GLB1L2: variants seen among roughly 807,000 people sequenced by gnomAD.
The protein encoded by GLB1L2 is beta-galactosidase-1-like protein 2.
A neutral mutation model predicts 84.1 loss-of-function variants in GLB1L2; 68 were observed. That is an observed-to-expected ratio of 0.81 (90% CI 0.67 to 0.99). The LOEUF (loss-of-function observed/expected upper bound fraction) is 0.99. Among genes scored for constraint, GLB1L2 ranks in the 50% least tolerant of loss-of-function variants. GLB1L2 has a pLI of 0.00. For synonymous variants in GLB1L2, 290 were observed against 318.0 expected, an observed-to-expected ratio of 0.91 and a Z score of 0.94; for missense variants, 762 against 805.6, an observed-to-expected ratio of 0.95 and a Z score of 0.66.
chr11:134,347,555 C>T (rs1943569818), intron 5 of GLB1L2, 122 bp downstream of exon 5: 1 of 714,698 alleles, frequency 1.4e-6, no homozygotes. Flanking sequence ...GGCTCTTCCT[C>T]ACCGTCCGAG....
chr11:134,332,660 C>A (rs1420559160), intron 1 of GLB1L2, among the ~76,000 whole-genome samples: 1 of 152,164 alleles, frequency 6.6e-6, no homozygotes, highest in Non-Finnish European at 1.5e-5. Context: ...TGTCCGTGGG[C>A]CTCCAAGATC....
In GLB1L2 at chr11:134,370,422, G is replaced by T. The variant is rs200973877; in HGVS notation, c.1215+23G>T. ...GAGGTGAGTGCTGTGGGCAGTCATC[G>T]GGAGGTGAGTGAGTGCCGGGGGCAG... On this transcript the variant is annotated intron_variant, in intron 12 of 18. Coordinates refer to ENST00000535456, the MANE Select transcript of GLB1L2 (RefSeq NM_001370461.1). This position sits in a 1 kb window ranked among gnomAD's most constrained non-coding sequence, Gnocchi z 4.7. 118 of 1,576,046 alleles carry T rather than the reference G, an allele frequency of 7.5e-5. No homozygotes were observed. The highest frequency in any genetic ancestry group is 9.8e-5 in the Non-Finnish European group (113 of 1,148,000).
chr11:134,371,497 G>T lies in GLB1L2; in HGVS notation c.1428+5G>T. The T allele has an allele frequency of 6.4e-7, 1 of 1,555,528 alleles. No individual in the cohort carries two copies. Among genetic ancestry groups the T allele is most frequent in the East Asian group, 2.2e-5 (1 of 44,530 alleles). ...ATTGCTGTCCCCCTGATCCAGGTTC[G>T]TTGTTTTTGGGAGCTGGGTGATGGC... is the stretch of plus-strand genomic sequence containing the variant. On this transcript the variant is annotated splice_donor_5th_base_variant and intron_variant, in intron 14 of 18. Coordinates refer to ENST00000535456, the MANE Select transcript of GLB1L2 (RefSeq NM_001370461.1).
At chr11:134,369,945 C>A (rs942262321) in intron 11 of GLB1L2, 60 bp downstream of exon 11, 1 of 1,413,372 alleles carries the variant, frequency 7.1e-7, no homozygotes, top group African/African-American at 1.4e-5. Flanking sequence ...CTCTCAGACC[C>A]CTAAAGAGTT....
At chr11:134,347,963 T>TA (rs1943574943) in intron 5 of GLB1L2, among the ~76,000 whole-genome samples, 1 of 152,222 alleles carries the variant, frequency 6.6e-6, no homozygotes, top group African/African-American at 2.4e-5. Context: ...GGTACACACT[T>TA]ACTATTCAAA....
chr11:134,338,159 C>T lies in GLB1L2; in HGVS notation c.87-4595C>T, dbSNP rs1170709636. 6.6e-6 allele frequency among the ~76,000 whole-genome samples: 1 copy of T among 152,138 alleles called. No homozygotes were observed. The highest frequency in any genetic ancestry group is 2.4e-5 in the African/African-American group (1 of 41,440). Reference sequence around the variant, plus strand: ...CCGGATGTTCTGCTGTGCCCGGTTGCATGGATCCTGGCCTATCTGTGTCTG... The same window carrying T: ...CCGGATGTTCTGCTGTGCCCGGTTGTATGGATCCTGGCCTATCTGTGTCTG... On this transcript the variant is annotated intron_variant, in intron 1 of 18. Transcript: ENST00000535456. The surrounding 1 kb of genome is among the most constrained non-coding windows in gnomAD (Gnocchi z 6.2).
At chr11:134,362,750 G>GAT (rs1188565263) in intron 7 of GLB1L2, among the ~76,000 whole-genome samples, 1 of 152,216 alleles carries the variant, frequency 6.6e-6, no homozygotes, top group Non-Finnish European at 1.5e-5. Context: ...TCTCAGGCAG[G>GAT]ATGGCCCCCG....
rs1943944340 is a variant in GLB1L2 at position 134,370,952 on chromosome 11, G to A, written c.1216-56G>A. ...ATGTGCCAGCCCCCAGGCAGAGTCT[G>A]TCTGTGACCCCACTCCTCCTGAGCC... On this transcript the variant is annotated intron_variant, in intron 12 of 18. Transcript: ENST00000535456. This position sits in a 1 kb window ranked among gnomAD's most constrained non-coding sequence, Gnocchi z 4.7. 6.2e-7 allele frequency: 1 copy of A among 1,604,044 alleles called. No individual in the cohort carries two copies. Among genetic ancestry groups the A allele is most frequent in the East Asian group, 2.2e-5 (1 of 44,804 alleles).
At chr11:134,342,577 C>G (rs1045968025) in intron 1 of GLB1L2, among the ~76,000 whole-genome samples, 177 bp from the exon 2 acceptor site, 25 of 152,242 alleles carry the variant, frequency 1.6e-4, no homozygotes, top group Non-Finnish European at 3.4e-4. Context: ...TGCCGCGGGG[C>G]CCCGTGCTGA....
intron 7 of GLB1L2, chr11:134,361,600 C>T (rs1943791120): frequency 1.3e-5 from 2 of 152,450 alleles, no homozygotes; most frequent in African/African-American, 2.4e-5. Flanking sequence ...CCTCAACTCC[C>T]CTGGTGCCGC....
At chr11:134,364,699 A>C (rs1407836761) in intron 8 of GLB1L2, 1 of 345,948 alleles carries the variant, frequency 2.9e-6, no homozygotes, top group East Asian at 5.1e-5. Flanking sequence ...ACTTGCTCCC[A>C]GGGATTGAGG....
chr11:134,343,490 C>A lies in GLB1L2; in HGVS notation c.284+539C>A, dbSNP rs73028701. 1.9e-3 allele frequency among the ~76,000 whole-genome samples: 295 copies of A among 152,224 alleles called. 1 individual carries two copies. Among genetic ancestry groups the A allele is most frequent in the African/African-American group, 6.8e-3 (281 of 41,526 alleles). ...TAACCTGGATCTTTTCATGGGTTTT[C>A]CCCCCAAATTGCCAACTGATACTTG... On this transcript the variant is annotated intron_variant, in intron 2 of 18. Coordinates refer to ENST00000535456, the MANE Select transcript of GLB1L2 (RefSeq NM_001370461.1).
Position 134,370,512 on chromosome 11 carries a change from AG to A in GLB1L2, c.1215+116del. On this transcript the variant is annotated intron_variant, in intron 12 of 18. Transcript: ENST00000535456. The surrounding 1 kb of genome is among the most constrained non-coding windows in gnomAD (Gnocchi z 4.7). ...GGGAGGTGAGAGTCGTCGGGGCAGC[AG>A]GGCCTGGAGCCCCTCCAGACAGGGA... 1.3e-6 allele frequency: 1 copy of A among 776,122 alleles called. No homozygotes were observed. The highest frequency in any genetic ancestry group is 2.2e-6 in the Non-Finnish European group (1 of 458,646). The allele number at this position is 776,122 out of a possible 1,614,324, so 48.1% of individuals were successfully genotyped here. A position where few individuals can be genotyped will look rare whatever the true frequency, so the allele number is the denominator to read the frequency against.
At chr11:134,335,835 C>A (rs973995719) in intron 1 of GLB1L2, among the ~76,000 whole-genome samples, 1 of 152,156 alleles carries the variant, frequency 6.6e-6, no homozygotes, top group African/African-American at 2.4e-5. Context: ...CTGTAGCTTG[C>A]GGAGAAAGGT....
intron 8 of GLB1L2, among the ~76,000 whole-genome samples, chr11:134,366,722 A>G (rs919652194): frequency 7.2e-5 from 11 of 152,202 alleles, no homozygotes; most frequent in African/African-American, 2.7e-4. Flanking sequence ...TGCACCATGA[A>G]TAGCTGTGCT....
chr11:134,359,144 A>C lies in GLB1L2; in HGVS notation c.733+3A>C. On this transcript the variant is annotated splice_donor_region_variant and intron_variant, in intron 7 of 18. Transcript: ENST00000535456. ...GAGCAAGGGGATTGTCCAGGGAGGT[A>C]ACTGCACTTGTGTTGGGCCGTGGGG... 6.3e-7 allele frequency: 1 copy of C among 1,595,416 alleles called. No individual in the cohort carries two copies. The highest frequency in any genetic ancestry group is 1.1e-5 in the South Asian group (1 of 88,124).
At chr11:134,342,708 C>A (rs1943485350) in intron 1 of GLB1L2, 46 bp from the exon 2 acceptor site, 4 of 1,575,248 alleles carry the variant, frequency 2.5e-6, no homozygotes, top group Admixed American at 1.7e-5. Flanking sequence ...GCCGATCTCT[C>A]TGCGGCCCGG....
rs200947444 is a variant in GLB1L2 at position 134,342,926 on chromosome 11, G to A, written c.259G>A (p.Ala87Thr). The A allele has an allele frequency of 1.0e-4, 169 of 1,613,462 alleles. 2 individuals are homozygous for A. The South Asian group carries it at 1.3e-3, about 12-fold the overall frequency. ...YWRDRLLKMKACGLNTLTTYV... is the reference protein window; with the variant it reads ...YWRDRLLKMKTCGLNTLTTYV... ...GAGGGACCGCCTGCTGAAGATGAAG[G>A]CCTGTGGCTTGAACACCCTCACCAC... is the stretch of plus-strand genomic sequence containing the variant. The change falls in exon 2 of 19, where the codon GCC (alanine) becomes ACC (threonine). Residue 87 changes from alanine (A) to threonine (T), a missense_variant. Physicochemically the swap from Ala to Thr is moderately conservative, Grantham distance 58. This residue lies in a region of GLB1L2 where 59 missense variants were observed against 105.1 expected (regional missense o/e 0.56). Transcript: ENST00000535456.
intron 7 of GLB1L2, among the ~76,000 whole-genome samples, chr11:134,363,278 T>C (rs1052373419): frequency 6.6e-6 from 1 of 152,250 alleles, no homozygotes. Context: ...TATTGTGACC[T>C]AGAGGCAAGT....
Sources: allele counts gnomAD v4.1 joint callset (sites outside exome capture counted in the v4.1 genomes callset), GRCh38; gene constraint gnomAD v4.1.1; regional missense constraint gnomAD v4.1.1; non-coding constraint Gnocchi (gnomAD v3.1); transcripts MANE v1.5; gene names NCBI Gene and HGNC (gene_info 2026-07-23, HGNC 2026-07-21).